MEF2A: variants seen among roughly 807,000 people sequenced by gnomAD.
The protein encoded by MEF2A is myocyte enhancer factor 2A, also known as myocyte-specific enhancer factor 2A.
Under a neutral mutation model 55.8 loss-of-function variants are expected in MEF2A, and 28 were observed. The observed-to-expected ratio is 0.50, with a 90% CI of 0.37 to 0.69. MEF2A has a LOEUF of 0.69. Among genes scored for constraint, MEF2A ranks in the 30% least tolerant of loss-of-function variants. The pLI, the probability that MEF2A is intolerant of heterozygous loss-of-function variation, is 0.00. For missense variants in MEF2A, 528 were observed against 626.2 expected (o/e 0.84, Z 1.67); for synonymous variants, 239 against 227.1 (o/e 1.05, Z -0.47).
intron 4 of MEF2A, among the ~76,000 whole-genome samples, chr15:99,651,830 A>G (rs1426228937): frequency 1.3e-5 from 2 of 152,206 alleles, no homozygotes; most frequent in Non-Finnish European, 1.5e-5. Context: ...ATTATTCTCC[A>G]TTAGAGGTTC....
chr15:99,656,378 C>T (rs1248168829), intron 4 of MEF2A, among the ~76,000 whole-genome samples: 1 of 152,086 alleles, frequency 6.6e-6, no homozygotes, highest in Non-Finnish European at 1.5e-5. Context: ...ATCTCATAAA[C>T]CGCAAAACCT....
intron 10 of MEF2A, among the ~76,000 whole-genome samples, chr15:99,708,990 T>C (rs1052041536): frequency 8.5e-5 from 13 of 152,182 alleles, no homozygotes; most frequent in African/African-American, 2.2e-4. Context: ...CCGGAGAGCA[T>C]TGGGGAGCCA....
rs749445338 is a variant in MEF2A at position 99,645,752 on chromosome 15, G to A, written c.246G>A (p.Ser82=). 1.3e-6 allele frequency: 2 copies of A among 1,599,636 alleles called. No homozygotes were observed. Among genetic ancestry groups the A allele is most frequent in the East Asian group, 2.2e-5 (1 of 44,562 alleles). Reference sequence around the variant, plus strand: ...AACCTCATGAAAGCAGAACCAACTCGGATATTGTTGAGGTAACACATATCT... The same window carrying A: ...AACCTCATGAAAGCAGAACCAACTCAGATATTGTTGAGGTAACACATATCT... ...YNEPHESRTN[S]DIVETLRKKG... Residue 82 remains serine, a synonymous_variant, in exon 4 of 12, where the codon TCG becomes TCA. Transcript: ENST00000557942.
chr15:99,686,273 A>G (rs2054193010), intron 7 of MEF2A, among the ~76,000 whole-genome samples: 1 of 152,068 alleles, frequency 6.6e-6, no homozygotes, highest in South Asian at 2.1e-4. Flanking sequence ...TCATTGTGTT[A>G]GTTGTTGCCT....
intron 4 of MEF2A, 198 bp downstream of exon 4, chr15:99,645,962 A>G (rs2045898878): frequency 4.6e-6 from 2 of 437,028 alleles, no homozygotes; most frequent in South Asian, 1.1e-4. Context: ...CATTCAGACA[A>G]AGTAAACTAT....
chr15:99,569,143 G>C (rs1325797804), intron 1 of MEF2A, among the ~76,000 whole-genome samples: 2 of 152,198 alleles, frequency 1.3e-5, no homozygotes, highest in Non-Finnish European at 2.9e-5. Context: ...TCTTGATTCA[G>C]ATCCAGCTCC....
At chr15:99,635,540 C>T (rs1391718034) in intron 3 of MEF2A, among the ~76,000 whole-genome samples, 2 of 151,946 alleles carry the variant, frequency 1.3e-5, no homozygotes, top group Admixed American at 6.6e-5. Context: ...AGAAGAAGAC[C>T]GTGTAGCCAG....
chr15:99,672,598 C>G lies in MEF2A; in HGVS notation c.390+1144C>G, dbSNP rs199687392. Among the ~76,000 whole-genome samples, 5 of 152,294 alleles carry G rather than the reference C, an allele frequency of 3.3e-5. No homozygotes were observed. The East Asian group carries it at 9.6e-4, about 29-fold the overall frequency. ...TTTCAAAACTGTGCCCTAAAGTATG[C>G]ATGATGGATCATTTCTTCAGAGTAG... On this transcript the variant is annotated intron_variant, in intron 5 of 11. Transcript: ENST00000557942.
At chr15:99,665,731 C>CAAAAAA (rs752473261) in intron 4 of MEF2A, among the ~76,000 whole-genome samples, 4 of 20,248 alleles carry the variant, frequency 2.0e-4, no homozygotes, top group Non-Finnish European at 4.0e-4. Context: ...CTTAAATTTA[C>CAAAAAA]AAAAAAAAAA....
In MEF2A at chr15:99,602,515, G is replaced by A. The variant is rs578155703; in HGVS notation, c.-143+4004G>A. The stretch of plus-strand genomic sequence containing the variant: ...AACTCCTGAGATGTTATAGGGAAGC[G>A]GCTGATCACCAGCTTCAGGTGTTTT... On this transcript the variant is annotated intron_variant, in intron 2 of 11. Transcript: ENST00000557942. Among the ~76,000 whole-genome samples, 5 of 152,204 alleles carry A rather than the reference G, an allele frequency of 3.3e-5. 1 individual carries two copies. Among genetic ancestry groups the A allele is most frequent in the South Asian group, 4.2e-4 (2 of 4,816 alleles).
At chr15:99,606,256 C>A (rs920163580) in intron 2 of MEF2A, among the ~76,000 whole-genome samples, 1 of 151,788 alleles carries the variant, frequency 6.6e-6, no homozygotes, top group African/African-American at 2.4e-5. Context: ...AAGAATGATT[C>A]GTATATTTCA....
chr15:99,672,075 C>T (rs1191206086), intron 5 of MEF2A, among the ~76,000 whole-genome samples: 2 of 152,118 alleles, frequency 1.3e-5, no homozygotes, highest in Admixed American at 6.5e-5. Flanking sequence ...TTAAATAGAT[C>T]TTGAGAAAGC....
intron 10 of MEF2A, among the ~76,000 whole-genome samples, chr15:99,710,306 T>A (rs1010131533): frequency 6.6e-6 from 1 of 152,174 alleles, no homozygotes; most frequent in African/African-American, 2.4e-5. Flanking sequence ...GCAGTGGTGC[T>A]ACCTCGGCTC....
chr15:99,636,338 A>G (rs1596654373), intron 3 of MEF2A, among the ~76,000 whole-genome samples: 1 of 151,976 alleles, frequency 6.6e-6, no homozygotes, highest in African/African-American at 2.4e-5. Context: ...TTGCCTTTTC[A>G]CTTTCTTTTT....
chr15:99,608,301 T>C (rs1305042451), intron 2 of MEF2A, among the ~76,000 whole-genome samples: 2 of 152,230 alleles, frequency 1.3e-5, no homozygotes, highest in Non-Finnish European at 2.9e-5. Flanking sequence ...CTATATTTGC[T>C]ATTCATTGTA....
intron 4 of MEF2A, among the ~76,000 whole-genome samples, chr15:99,656,670 A>T (rs2153545322): frequency 1.3e-5 from 2 of 152,266 alleles, no homozygotes; most frequent in South Asian, 4.1e-4. Context: ...GTACTGTCAC[A>T]TTACCTTGTA....
At chr15:99,639,491 C>G (rs916004604) in intron 3 of MEF2A, among the ~76,000 whole-genome samples, 15 of 152,150 alleles carry the variant, frequency 9.9e-5, no homozygotes, top group African/African-American at 3.6e-4. Context: ...CAAAGAACAA[C>G]TATGTTGTTT....
intron 4 of MEF2A, among the ~76,000 whole-genome samples, chr15:99,654,148 C>A (rs2047301072): frequency 6.6e-6 from 1 of 151,942 alleles, no homozygotes; most frequent in Non-Finnish European, 1.5e-5. Flanking sequence ...CTCTTATAAA[C>A]CTATCAGTTT....
intron 4 of MEF2A, among the ~76,000 whole-genome samples, chr15:99,648,786 G>T (rs2046384562): frequency 6.6e-6 from 1 of 152,128 alleles, no homozygotes; most frequent in Non-Finnish European, 1.5e-5. Flanking sequence ...CAATACACAA[G>T]CCCTTTGAGG....
Sources: allele counts gnomAD v4.1 joint callset (sites outside exome capture counted in the v4.1 genomes callset), GRCh38; gene constraint gnomAD v4.1.1; transcripts MANE v1.5; gene names NCBI Gene and HGNC (gene_info 2026-07-23, HGNC 2026-07-21).